TRAF3: variants seen among roughly 807,000 people sequenced by gnomAD.
The protein encoded by TRAF3 is TNF receptor associated factor 3, also known as TNF receptor-associated factor 3.
A neutral mutation model predicts 62.3 loss-of-function variants in TRAF3; 13 were observed. That is an observed-to-expected ratio of 0.21 (90% CI 0.14 to 0.33). The LOEUF (loss-of-function observed/expected upper bound fraction) is 0.33. Ranked by LOEUF, TRAF3 falls within the 10% of genes least tolerant of loss-of-function variation. TRAF3 has a pLI of 1.00. For missense variants in TRAF3, 440 were observed against 741.8 expected, an observed-to-expected ratio of 0.59 and a Z score of 4.73; for synonymous variants, 269 against 283.4, an observed-to-expected ratio of 0.95 and a Z score of 0.51.
intron 1 of TRAF3, among the ~76,000 whole-genome samples, chr14:102,816,747 C>A (rs1031367006): frequency 1.3e-5 from 2 of 152,120 alleles, no homozygotes; most frequent in Admixed American, 1.3e-4. Flanking sequence ...AGGTTGTTTC[C>A]AGTCTTCTCT....
At chr14:102,873,250 G>T (rs1192476483) in intron 4 of TRAF3, among the ~76,000 whole-genome samples, 2 of 152,134 alleles carry the variant, frequency 1.3e-5, no homozygotes, top group East Asian at 3.9e-4. Context: ...CGCTCTGGAA[G>T]GGGGAGAGAT....
intron 6 of TRAF3, 99 bp from the exon 7 acceptor site, chr14:102,886,090 G>A: frequency 1.9e-6 from 2 of 1,045,684 alleles, no homozygotes; most frequent in South Asian, 1.3e-5. Context: ...GACAGCGATG[G>A]TGAGCAGAGC....
rs564832994 is a variant in TRAF3 at position 102,901,701 on chromosome 14, G to A, written c.961-1554G>A. Among the ~76,000 whole-genome samples the A allele has an allele frequency of 2.0e-5, 3 of 152,348 alleles. No homozygotes were observed. In the East Asian group the frequency reaches 5.8e-4, roughly 29 times the overall value. On this transcript the variant is annotated intron_variant, in intron 10 of 11. Transcript: ENST00000392745. ...CTTTTTAGAGGTTAACTAATATCAT[G>A]TTTCTTGGAAAGAACAGGAAGAATA...
At chr14:102,900,869 CG>C (rs1308311066) in intron 10 of TRAF3, among the ~76,000 whole-genome samples, 1 of 152,196 alleles carries the variant, frequency 6.6e-6, no homozygotes, top group Non-Finnish European at 1.5e-5. Context: ...AGCTCTGTGT[CG>C]GAGTCTTTTT....
chr14:102,826,989 G>T lies in TRAF3; in HGVS notation c.-156-3345G>T, dbSNP rs913206145. ...AGTGGTGGTGGCGGTGGCTGTACCT[G>T]CTCCGGGCTGCTGTGAGGGAGGGAC... On this transcript the variant is annotated intron_variant, in intron 1 of 11. Coordinates refer to ENST00000392745, the MANE Select transcript of TRAF3 (RefSeq NM_145725.3). This position sits in a 1 kb window ranked among gnomAD's most constrained non-coding sequence, Gnocchi z 4.6. Among the ~76,000 whole-genome samples the T allele has an allele frequency of 6.6e-6, 1 of 152,178 alleles. No individual in the cohort carries two copies. Among genetic ancestry groups the T allele is most frequent in the Non-Finnish European group, 1.5e-5 (1 of 68,036 alleles).
Position 102,826,976 on chromosome 14 carries a change from G to C in TRAF3, c.-156-3358G>C, listed in dbSNP as rs576701965. Reference sequence around the variant, plus strand: ...CATAGGCTCTGTCAGTGGTGGTGGCGGTGGCTGTACCTGCTCCGGGCTGCT... The same window carrying C: ...CATAGGCTCTGTCAGTGGTGGTGGCCGTGGCTGTACCTGCTCCGGGCTGCT... On this transcript the variant is annotated intron_variant, in intron 1 of 11. Coordinates refer to ENST00000392745, the MANE Select transcript of TRAF3 (RefSeq NM_145725.3). The surrounding 1 kb of genome is among the most constrained non-coding windows in gnomAD (Gnocchi z 4.6). Among the ~76,000 whole-genome samples, 2 of 152,140 alleles carry C rather than the reference G, an allele frequency of 1.3e-5. No individual in the cohort carries two copies. Among genetic ancestry groups the C allele is most frequent in the South Asian group, 4.1e-4 (2 of 4,826 alleles).
chr14:102,782,936 G>A (rs988644574), intron 1 of TRAF3, among the ~76,000 whole-genome samples: 1 of 152,212 alleles, frequency 6.6e-6, no homozygotes, highest in South Asian at 2.1e-4. Flanking sequence ...GGCAACAGTA[G>A]CATCAAAGTG....
At position 102,909,062 on chromosome 14, in the gene TRAF3, G is replaced by C. The variant is rs1284353595; in HGVS notation, c.*3278G>C. The C allele has an allele frequency of 6.6e-6, 1 of 152,580 alleles. No homozygotes were observed. The highest frequency in any genetic ancestry group is 1.5e-5 in the Non-Finnish European group (1 of 68,308). 9.5% of individuals were successfully genotyped at this position (152,580 alleles called of 1,614,324 possible). On this transcript the variant is annotated 3_prime_UTR_variant, in exon 12 of 12. Coordinates refer to ENST00000392745, the MANE Select transcript of TRAF3 (RefSeq NM_145725.3). ...GAGTAGGGCCTTTCTAGCAGGGTTGGGTGGCTCAGTGAGGGTGTGGAAGTG... is the reference window on the plus strand; with the variant it reads ...GAGTAGGGCCTTTCTAGCAGGGTTGCGTGGCTCAGTGAGGGTGTGGAAGTG...
chr14:102,901,599 A>T (rs1440691507), intron 10 of TRAF3, among the ~76,000 whole-genome samples: 1 of 152,240 alleles, frequency 6.6e-6, no homozygotes, highest in African/African-American at 2.4e-5. Flanking sequence ...ATTGTGTAAA[A>T]TAAAGGGACA....
intron 1 of TRAF3, among the ~76,000 whole-genome samples, chr14:102,814,523 CT>C (rs1024807308): frequency 1.5e-4 from 23 of 151,974 alleles, no homozygotes; most frequent in South Asian, 4.2e-4. Flanking sequence ...ATCTTGATTT[CT>C]TTTTTTCCCC....
At position 102,810,472 on chromosome 14, in the gene TRAF3, A is replaced by C. The variant is rs1472693911; in HGVS notation, c.-156-19862A>C. Among the ~76,000 whole-genome samples, 2 of 152,214 alleles carry C rather than the reference A, an allele frequency of 1.3e-5. 1 individual carries two copies. The highest frequency in any genetic ancestry group is 1.3e-4 in the Admixed American group (2 of 15,286). ...AATTAGAGTTAATTGTGAGAAATTG[A>C]AATAAGTATTCCATTTTTTTCTGAG... On this transcript the variant is annotated intron_variant, in intron 1 of 11. Transcript: ENST00000392745.
chr14:102,883,811 C>T (rs1378288230), intron 6 of TRAF3, among the ~76,000 whole-genome samples: 3 of 152,172 alleles, frequency 2.0e-5, no homozygotes, highest in Admixed American at 6.5e-5. Flanking sequence ...GTTTCAAACT[C>T]CTGCCCCCAG....
At chr14:102,800,124 G>GC (rs1447282139) in intron 1 of TRAF3, among the ~76,000 whole-genome samples, 1 of 152,122 alleles carries the variant, frequency 6.6e-6, no homozygotes, top group Non-Finnish European at 1.5e-5. Flanking sequence ...AAAAACTGAG[G>GC]CCCCCACCCA....
chr14:102,807,883 G>A (rs1898869154), intron 1 of TRAF3, among the ~76,000 whole-genome samples: 1 of 152,022 alleles, frequency 6.6e-6, no homozygotes, highest in Admixed American at 6.6e-5. Flanking sequence ...GCCTTTTTAC[G>A]AAAAAGGAAA....
chr14:102,835,064 A>G (rs961693617), intron 2 of TRAF3, among the ~76,000 whole-genome samples: 4 of 152,196 alleles, frequency 2.6e-5, no homozygotes, highest in African/African-American at 9.6e-5. Flanking sequence ...TACAAGAAAA[A>G]AAACAACCCC....
At chr14:102,858,667 A>G (rs776884798) in intron 2 of TRAF3, among the ~76,000 whole-genome samples, 1 of 152,194 alleles carries the variant, frequency 6.6e-6, no homozygotes, top group African/African-American at 2.4e-5. Context: ...ACGATTTTAC[A>G]TAATAATTGT....
chr14:102,866,877 A>ACG (rs1294606546), intron 2 of TRAF3, among the ~76,000 whole-genome samples: 2 of 148,936 alleles, frequency 1.3e-5, no homozygotes, highest in Non-Finnish European at 3.0e-5. Flanking sequence ...ACACACACAC[A>ACG]CACACACACA....
At chr14:102,869,123 C>T (rs1387413317) in intron 2 of TRAF3, among the ~76,000 whole-genome samples, 1 of 152,258 alleles carries the variant, frequency 6.6e-6, no homozygotes, top group Non-Finnish European at 1.5e-5. Flanking sequence ...CCCTCACACG[C>T]TCCTCACCAG....
chr14:102,873,258 G>A (rs1888446956), intron 4 of TRAF3, among the ~76,000 whole-genome samples: 1 of 152,140 alleles, frequency 6.6e-6, no homozygotes, highest in Non-Finnish European at 1.5e-5. Context: ...AAGGGGGAGA[G>A]ATGGAATTGG....
Sources: allele counts gnomAD v4.1 joint callset (sites outside exome capture counted in the v4.1 genomes callset), GRCh38; gene constraint gnomAD v4.1.1; non-coding constraint Gnocchi (gnomAD v3.1); transcripts MANE v1.5; gene names NCBI Gene and HGNC (gene_info 2026-07-23, HGNC 2026-07-21).